Variants in SRGAP1 observed in about 807,000 individuals in gnomAD.
The protein encoded by SRGAP1 is SLIT-ROBO Rho GTPase activating protein 1.
A neutral mutation model predicts 121.9 loss-of-function variants in SRGAP1; 43 were observed. The observed-to-expected ratio is 0.35, with a 90% confidence interval of 0.28 to 0.46. The LOEUF is 0.46. Among genes scored for constraint, SRGAP1 ranks in the 20% least tolerant of loss-of-function variants. The pLI is 1.00. For missense variants in SRGAP1, 1,102 were observed against 1,350.9 expected, an observed-to-expected ratio of 0.82 and a Z score of 2.89; for synonymous variants, 447 against 485.4, an observed-to-expected ratio of 0.92 and a Z score of 1.04.
At chr12:63,886,217 C>A (rs531292308) in intron 1 of SRGAP1, among the ~76,000 whole-genome samples, 2 of 152,064 alleles carry the variant, frequency 1.3e-5, no homozygotes, top group East Asian at 1.9e-4. Context: ...TGTGCCACCA[C>A]GCCTGTCTAA....
At chr12:63,887,911 G>A (rs933363526) in intron 1 of SRGAP1, 1 of 152,228 alleles carries the variant, frequency 6.6e-6, no homozygotes, top group Non-Finnish European at 1.5e-5. Context: ...ATCCTGAGAA[G>A]CTCCATTTCT....
intron 8 of SRGAP1, among the ~76,000 whole-genome samples, chr12:64,077,408 C>T (rs575845874): frequency 5.9e-5 from 9 of 151,298 alleles, no homozygotes; most frequent in Non-Finnish European, 1.2e-4. Flanking sequence ...GTAATAAATA[C>T]ATGGGTGATG....
intron 18 of SRGAP1, among the ~76,000 whole-genome samples, chr12:64,120,069 C>G (rs1250186031): frequency 6.6e-6 from 1 of 152,034 alleles, no homozygotes; most frequent in Non-Finnish European, 1.5e-5. Context: ...CTGTGCCCAG[C>G]CTTTAAATAT....
intron 4 of SRGAP1, among the ~76,000 whole-genome samples, chr12:64,041,888 T>C (rs1029818219): frequency 2.8e-5 from 4 of 145,162 alleles, no homozygotes; most frequent in East Asian, 2.0e-4. Context: ...TTATTATTAT[T>C]ATTATTATTA....
intron 1 of SRGAP1, among the ~76,000 whole-genome samples, chr12:63,866,942 C>T (rs1899657044): frequency 6.6e-6 from 1 of 151,828 alleles, no homozygotes; most frequent in Non-Finnish European, 1.5e-5. Context: ...GCTCATGGCT[C>T]ACTGCAGCCT....
chr12:64,132,387 C>T (rs2136643538), intron 21 of SRGAP1, among the ~76,000 whole-genome samples: 1 of 152,280 alleles, frequency 6.6e-6, no homozygotes, highest in Non-Finnish European at 1.5e-5. Context: ...GTTGCAGAGC[C>T]TTCTCCTGTT....
chr12:63,919,707 G>A (rs1023248146), intron 1 of SRGAP1, among the ~76,000 whole-genome samples: 36 of 151,492 alleles, frequency 2.4e-4, no homozygotes, highest in African/African-American at 8.8e-4. Flanking sequence ...TCTTTCTCTT[G>A]CCTTTTTTTA....
At chr12:63,856,903 T>C (rs536880481) in intron 1 of SRGAP1, among the ~76,000 whole-genome samples, 271 of 152,340 alleles carry the variant, frequency 1.8e-3, no homozygotes, top group African/African-American at 6.2e-3. Flanking sequence ...TATTAGTTCT[T>C]CCTACCTGTG....
intron 4 of SRGAP1, chr12:64,038,561 A>G (rs2034947358): frequency 6.6e-6 from 1 of 152,242 alleles, no homozygotes; most frequent in African/African-American, 2.4e-5. Context: ...AACACGAAGC[A>G]TTAAATTTGC....
intron 1 of SRGAP1, among the ~76,000 whole-genome samples, chr12:63,921,578 T>C (rs906531683): frequency 6.6e-6 from 1 of 152,192 alleles, no homozygotes; most frequent in Admixed American, 6.5e-5. Context: ...GATACTTCCT[T>C]GGAAAAGCCA....
At chr12:64,083,145 A>G (rs1011276201) in intron 10 of SRGAP1, among the ~76,000 whole-genome samples, 2 of 152,206 alleles carry the variant, frequency 1.3e-5, no homozygotes, top group East Asian at 3.8e-4. Context: ...CGCCCATCAC[A>G]TAGTGAAGTA....
At chr12:63,906,929 G>C (rs1362980872) in intron 1 of SRGAP1, among the ~76,000 whole-genome samples, 2 of 150,914 alleles carry the variant, frequency 1.3e-5, no homozygotes. Context: ...AGGCTAGAGT[G>C]CAGTGGTGTG....
chr12:63,971,318 G>T (rs1037389157), intron 1 of SRGAP1, among the ~76,000 whole-genome samples: 1 of 152,226 alleles, frequency 6.6e-6, no homozygotes, highest in Non-Finnish European at 1.5e-5. Flanking sequence ...TGTAGACCAG[G>T]AGGTAACCTG....
intron 12 of SRGAP1, chr12:64,091,911 G>T: frequency 2.0e-6 from 3 of 1,535,752 alleles, no homozygotes; most frequent in Non-Finnish European, 2.6e-6. Context: ...GAAGAAACTC[G>T]CACACAAGAC....
chr12:64,112,625 A>T (rs1420349743), intron 17 of SRGAP1, among the ~76,000 whole-genome samples: 2 of 152,102 alleles, frequency 1.3e-5, no homozygotes, highest in East Asian at 3.9e-4. Flanking sequence ...TCTTTAATCC[A>T]TTCATTCAGT....
At chr12:63,897,597 T>A (rs1900796633) in intron 1 of SRGAP1, among the ~76,000 whole-genome samples, 1 of 152,238 alleles carries the variant, frequency 6.6e-6, no homozygotes, top group African/African-American at 2.4e-5. Flanking sequence ...CAAGAATTCT[T>A]TTGGTAACAA....
At chr12:63,998,328 C>T (rs909146479) in intron 3 of SRGAP1, among the ~76,000 whole-genome samples, 1 of 152,156 alleles carries the variant, frequency 6.6e-6, no homozygotes, top group African/African-American at 2.4e-5. Flanking sequence ...TCAGCAAGAC[C>T]CAGCATTAGC....
chr12:63,972,898 C>T (rs1281202689), intron 1 of SRGAP1, among the ~76,000 whole-genome samples: 1 of 152,110 alleles, frequency 6.6e-6, no homozygotes, highest in Non-Finnish European at 1.5e-5. Context: ...CCTGTAATCC[C>T]AGCACTTGGG....
chr12:63,986,427 A>ATTT (rs112213433), intron 2 of SRGAP1, among the ~76,000 whole-genome samples: 11 of 144,824 alleles, frequency 7.6e-5, no homozygotes, highest in African/African-American at 2.8e-4. Flanking sequence ...CTATTCAGTA[A>ATTT]TTTTTTTTTT....
Sources: allele counts gnomAD v4.1 joint callset (sites outside exome capture counted in the v4.1 genomes callset), GRCh38; gene constraint gnomAD v4.1.1; transcripts MANE v1.5; gene names NCBI Gene and HGNC (gene_info 2026-07-23, HGNC 2026-07-21).